The following PRRC2B variants were observed in gnomAD, a reference collection of about 807,000 sequenced individuals.
The protein encoded by PRRC2B is protein PRRC2B.
In PRRC2B, 68 loss-of-function variants were observed where a neutral mutation model predicts 242.3. That is an observed-to-expected ratio of 0.28 (90% CI 0.23 to 0.34). The LOEUF is 0.34. PRRC2B is among the 10% of genes least tolerant of loss of function. The pLI, the probability that PRRC2B is intolerant of heterozygous loss-of-function variation, is 1.00. For synonymous variants in PRRC2B, 1,228 were observed against 1,173.6 expected, an observed-to-expected ratio of 1.05 and a Z score of -0.95; for missense variants, 2,835 against 2,954.8, an observed-to-expected ratio of 0.96 and a Z score of 0.94.
upstream of PRRC2B, among the ~76,000 whole-genome samples, chr9:131,391,015 G>C (rs766341588): frequency 6.6e-6 from 1 of 151,774 alleles, no homozygotes; most frequent in African/African-American, 2.4e-5. Context: ...TCGAACGCCT[G>C]ACCAAGTGAT....
At chr9:131,436,594 G>C (rs760553533) in intron 3 of PRRC2B, 26 bp from the exon 4 acceptor site, 2 of 1,595,596 alleles carry the variant, frequency 1.3e-6, no homozygotes, top group Non-Finnish European at 1.7e-6. Flanking sequence ...TGCGGTGCCT[G>C]ACCCCACTGC....
At chr9:131,486,318 C>T in intron 26 of PRRC2B, 136 bp downstream of exon 26, 5 of 834,608 alleles carry the variant, frequency 6.0e-6, no homozygotes, top group Non-Finnish European at 9.2e-6. Flanking sequence ...CAGCACCTGG[C>T]CCGCCACGGC....
chr9:131,421,308 A>G (rs1027021804), intron 1 of PRRC2B, among the ~76,000 whole-genome samples: 2 of 152,220 alleles, frequency 1.3e-5, no homozygotes, highest in African/African-American at 4.8e-5. Context: ...AGGTCGCCTT[A>G]CTTACGTTAA....
intron 4 of PRRC2B, among the ~76,000 whole-genome samples, chr9:131,437,685 A>G (rs1159650336): frequency 2.0e-5 from 3 of 152,208 alleles, no homozygotes; most frequent in African/African-American, 4.8e-5. Context: ...CCCTCTCCCC[A>G]CCTAACACTG....
At chr9:131,444,355 C>T (rs761606209) in intron 6 of PRRC2B, 27 bp downstream of exon 6, 23 of 1,602,160 alleles carry the variant, frequency 1.4e-5, no homozygotes, top group Middle Eastern at 1.8e-4. Flanking sequence ...TCTGGGCACT[C>T]GATGGAGTAA....
At chr9:131,411,017 A>T (rs1382520076) in intron 1 of PRRC2B, among the ~76,000 whole-genome samples, 1 of 152,078 alleles carries the variant, frequency 6.6e-6, no homozygotes, top group African/African-American at 2.4e-5. Context: ...GCACTCTGGG[A>T]GGCCGAGGAG....
At chr9:131,463,343 A>G (rs1943296793) in intron 11 of PRRC2B, among the ~76,000 whole-genome samples, 1 of 152,202 alleles carries the variant, frequency 6.6e-6, no homozygotes, top group Non-Finnish European at 1.5e-5. Context: ...TAACTCACCT[A>G]CAAGAAAAGG....
At chr9:131,432,275 A>T (rs1398547555) in intron 2 of PRRC2B, among the ~76,000 whole-genome samples, 1 of 152,158 alleles carries the variant, frequency 6.6e-6, no homozygotes, top group East Asian at 1.9e-4. Context: ...GAGCTGTCTC[A>T]ACTTGCAGAG....
intron 11 of PRRC2B, among the ~76,000 whole-genome samples, chr9:131,461,604 T>C (rs981233133): frequency 1.3e-5 from 2 of 152,170 alleles, no homozygotes; most frequent in Non-Finnish European, 2.9e-5. Context: ...TGCGGTGGCG[T>C]AATCTTGGCT....
rs752871148 is a variant in PRRC2B, at chr9:131,482,856, C to T, written c.5322C>T (p.His1774=). 1.3e-5 allele frequency: 21 copies of T among 1,608,112 alleles called. 1 individual carries two copies. Among genetic ancestry groups the T allele is most frequent in the South Asian group, 7.8e-5 (7 of 89,922 alleles). ...VVPPVNGVEI[H]VDSVLPVPPI... ...CGCCTGTTAACGGGGTGGAGATTCA[C>T]GTGGACTCCGTGCTGCCTGTGCCAC... Residue 1774 remains histidine (H), a synonymous_variant, in exon 22 of 32, where the codon CAC becomes CAT. Transcript: ENST00000683519. This position sits in a 1 kb window ranked among gnomAD's most constrained non-coding sequence, Gnocchi z 5.2.
chr9:131,416,376 G>A (rs1054404884), intron 1 of PRRC2B, among the ~76,000 whole-genome samples: 19 of 152,152 alleles, frequency 1.2e-4, no homozygotes, highest in Non-Finnish European at 2.4e-4. Context: ...AAAGTGTTGG[G>A]ATTAACAGGT....
At chr9:131,493,095 C>T (rs1282643267) in intron 30 of PRRC2B, among the ~76,000 whole-genome samples, 4 of 152,140 alleles carry the variant, frequency 2.6e-5, no homozygotes, top group Non-Finnish European at 2.9e-5. Context: ...GCAAGCCGGG[C>T]CCCCATGGTC....
chr9:131,476,702 CGT>C (rs1468284418), intron 16 of PRRC2B, among the ~76,000 whole-genome samples, 167 bp downstream of exon 16: 1 of 152,114 alleles, frequency 6.6e-6, no homozygotes, highest in Non-Finnish European at 1.5e-5. Flanking sequence ...GTCTGCTTCT[CGT>C]GGTGGTGTTA....
At chr9:131,495,645 G>A (rs1944313701) in intron 31 of PRRC2B, 95 bp from the exon 32 acceptor site, 6 of 1,412,828 alleles carry the variant, frequency 4.2e-6, no homozygotes, top group Non-Finnish European at 4.8e-6. Flanking sequence ...AGCTTTCCCT[G>A]CAACTCAGGA....
intron 1 of PRRC2B, among the ~76,000 whole-genome samples, chr9:131,399,794 CGTTATTTTTATAA>C (rs982399121): frequency 6.6e-6 from 1 of 152,082 alleles, no homozygotes; most frequent in African/African-American, 2.4e-5. Flanking sequence ...TATTCCTCTA[CGTTATTTTTATAA>C]TTATATAATT....
intron 19 of PRRC2B, among the ~76,000 whole-genome samples, chr9:131,480,845 A>G (rs990053021): frequency 2.0e-5 from 3 of 151,772 alleles, no homozygotes; most frequent in African/African-American, 7.3e-5. Context: ...TTTTAGTAAT[A>G]CCCGCTGGGA....
chr9:131,474,276 T>C (rs1588273091), intron 15 of PRRC2B, among the ~76,000 whole-genome samples, 178 bp from the exon 16 acceptor site: 1 of 152,226 alleles, frequency 6.6e-6, no homozygotes, highest in Non-Finnish European at 1.5e-5. Flanking sequence ...AGAACAAATG[T>C]TGATGCTTAT....
chr9:131,424,956 T>A (rs577864486), intron 1 of PRRC2B, among the ~76,000 whole-genome samples: 4 of 152,264 alleles, frequency 2.6e-5, no homozygotes, highest in Middle Eastern at 3.4e-3. Flanking sequence ...GGAGAGTGTC[T>A]CATGTTTGGG....
intron 5 of PRRC2B, among the ~76,000 whole-genome samples, chr9:131,442,606 C>G (rs950470287): frequency 1.4e-4 from 21 of 152,152 alleles, no homozygotes; most frequent in Admixed American, 1.3e-3. Flanking sequence ...CCGCGCCTTT[C>G]CGGCACAGTC....
Sources: allele counts gnomAD v4.1 joint callset (sites outside exome capture counted in the v4.1 genomes callset), GRCh38; gene constraint gnomAD v4.1.1; non-coding constraint Gnocchi (gnomAD v3.1); transcripts MANE v1.5; gene names NCBI Gene and HGNC (gene_info 2026-07-23, HGNC 2026-07-21).